CPOX: variants seen among roughly 807,000 people sequenced by gnomAD.
CPOX encodes the protein coproporphyrinogen oxidase, also known as oxygen-dependent coproporphyrinogen-III oxidase, mitochondrial.
In CPOX, 24 loss-of-function variants were observed where a neutral mutation model predicts 48.9. The ratio of observed to expected loss-of-function variants is 0.49; its 90% CI spans 0.36 to 0.69. The LOEUF (loss-of-function observed/expected upper bound fraction) is 0.69. CPOX is among the 30% of genes least tolerant of loss of function. The pLI is 0.00. For synonymous variants in CPOX, 249 were observed against 234.6 expected, an observed-to-expected ratio of 1.06 and a Z score of -0.56; for missense variants, 549 against 597.3, an observed-to-expected ratio of 0.92 and a Z score of 0.84.
rs1237444684 is a variant in CPOX at position 98,580,548 on chromosome 3, T to C, written c.*135A>G. On this transcript the variant is annotated 3_prime_UTR_variant, in exon 7 of 7. Transcript: ENST00000647941. ...ACAGCATCCAAAACATGTTATCATC[T>C]GCCCACGAGGTAGGGTGCAGAGTGG... 22 of 1,518,612 alleles carry C rather than the reference T, an allele frequency of 1.4e-5. No individual in the cohort carries two copies. The highest frequency in any genetic ancestry group is 1.8e-5 in the Non-Finnish European group (20 of 1,133,752). The allele number at this position is 1,518,612 out of a possible 1,614,324, so 94.1% of individuals were successfully genotyped here.
the CPOX span, among the ~76,000 whole-genome samples, chr3:98,573,803 G>C: frequency 6.6e-6 from 1 of 152,162 alleles, no homozygotes; most frequent in Non-Finnish European, 1.5e-5. Flanking sequence ...TTAACATAGA[G>C]TATAGATCAT....
intron 3 of CPOX, among the ~76,000 whole-genome samples, chr3:98,589,092 G>A (rs180750818): frequency 1.4e-3 from 208 of 152,322 alleles, no homozygotes; most frequent in Admixed American, 3.7e-3. Flanking sequence ...GGCCCAGGCA[G>A]GCAGATCGCC....
chr3:98,574,868 C>T (rs186611753), downstream of CPOX, among the ~76,000 whole-genome samples: 48 of 152,258 alleles, frequency 3.2e-4, no homozygotes, highest in East Asian at 8.1e-3. Context: ...CATGAACCAC[C>T]GTGCCCAGCC....
At chr3:98,590,476 T>C (rs1465968693) in intron 3 of CPOX, 156 bp downstream of exon 3, 2 of 693,476 alleles carry the variant, frequency 2.9e-6, no homozygotes, top group Middle Eastern at 3.6e-4. Context: ...GTCTCAGGCA[T>C]AATCCATTGC....
downstream of CPOX, among the ~76,000 whole-genome samples, chr3:98,574,906 G>C (rs1256091265): frequency 6.6e-6 from 1 of 152,116 alleles, no homozygotes; most frequent in Non-Finnish European, 1.5e-5. Context: ...AATTTAAATG[G>C]TCTTTGAGGA....
intron 4 of CPOX, among the ~76,000 whole-genome samples, chr3:98,587,514 T>C (rs551360187): frequency 6.7e-6 from 1 of 148,388 alleles, no homozygotes; most frequent in East Asian, 2.0e-4. Context: ...CTCTGCAGAG[T>C]CCTGAGGCAG....
chr3:98,581,735 A>C (rs1238696163), intron 5 of CPOX, among the ~76,000 whole-genome samples: 1 of 152,224 alleles, frequency 6.6e-6, no homozygotes, highest in Non-Finnish European at 1.5e-5. Flanking sequence ...TTCTGCCCCA[A>C]CATAGAGCAG....
chr3:98,590,142 T>C (rs1707449461), intron 3 of CPOX, among the ~76,000 whole-genome samples: 1 of 152,178 alleles, frequency 6.6e-6, no homozygotes, highest in Admixed American at 6.5e-5. Context: ...CCATTCTTTT[T>C]GTTTTGTTTT....
chr3:98,572,802 G>C, the CPOX span, among the ~76,000 whole-genome samples: 1 of 152,130 alleles, frequency 6.6e-6, no homozygotes, highest in Non-Finnish European at 1.5e-5. Context: ...GGTTTATCAA[G>C]ACATTCTGCT....
intron 5 of CPOX, among the ~76,000 whole-genome samples, chr3:98,581,881 A>T (rs1343377344): frequency 6.6e-6 from 1 of 152,148 alleles, no homozygotes; most frequent in Non-Finnish European, 1.5e-5. Context: ...CCTTCCTCAT[A>T]ATCTGGAATG....
downstream of CPOX, among the ~76,000 whole-genome samples, chr3:98,577,681 C>G (rs991375445): frequency 2.0e-5 from 3 of 152,052 alleles, no homozygotes; most frequent in African/African-American, 7.2e-5. Flanking sequence ...CACTACATAA[C>G]CTCAGTGGTT....
chr3:98,582,887 C>T (rs1446989201), intron 5 of CPOX, among the ~76,000 whole-genome samples: 2 of 152,204 alleles, frequency 1.3e-5, no homozygotes, highest in South Asian at 4.2e-4. Context: ...CCCTTTCTAA[C>T]TCTCACCATT....
downstream of CPOX, chr3:98,578,138 T>C (rs772545025): frequency 3.3e-4 from 155 of 475,596 alleles, no homozygotes; most frequent in East Asian, 6.1e-4. Flanking sequence ...TCAGGTAGAC[T>C]GAATTAACAC....
Position 98,585,675 on chromosome 3 carries a change from G to C in CPOX, c.954-16C>G. On this transcript the variant is annotated splice_polypyrimidine_tract_variant and intron_variant, in intron 4 of 6. Coordinates refer to ENST00000647941, the MANE Select transcript of CPOX (RefSeq NM_000097.7). ...ATCATCACACCTGGAAAACACAGCG[G>C]CGCCAAACCAGGGATCAAATGGAAA... 1 of 1,597,536 alleles carries C rather than the reference G, an allele frequency of 6.3e-7. No individual in the cohort carries two copies. The highest frequency in any genetic ancestry group is 8.6e-7 in the Non-Finnish European group (1 of 1,165,186).
chr3:98,575,360 G>A (rs1707146748), downstream of CPOX, among the ~76,000 whole-genome samples: 1 of 152,210 alleles, frequency 6.6e-6, no homozygotes, highest in Admixed American at 6.5e-5. Flanking sequence ...AATATGAAGG[G>A]ATTAACAGTA....
At chr3:98,587,078 T>C (rs1408970033) in intron 4 of CPOX, among the ~76,000 whole-genome samples, 1 of 152,174 alleles carries the variant, frequency 6.6e-6, no homozygotes, top group Non-Finnish European at 1.5e-5. Context: ...TAGAAAAACA[T>C]GCTCAAACAA....
chr3:98,584,903 T>C (rs1559675660), intron 5 of CPOX, among the ~76,000 whole-genome samples: 1 of 152,194 alleles, frequency 6.6e-6, no homozygotes, highest in Non-Finnish European at 1.5e-5. Flanking sequence ...GTTCCACATC[T>C]GAGATCTTAA....
intron 1 of CPOX, 83 bp downstream of exon 1, chr3:98,592,866 G>A: frequency 6.9e-7 from 1 of 1,441,688 alleles, no homozygotes; most frequent in Non-Finnish European, 9.6e-7. Flanking sequence ...CCCATATTGT[G>A]AACTATTATA....
chr3:98,582,744 G>A (rs1465744412), intron 5 of CPOX, among the ~76,000 whole-genome samples: 1 of 152,070 alleles, frequency 6.6e-6, no homozygotes, highest in Admixed American at 6.5e-5. Context: ...GCCCGCCTCG[G>A]CCTCCCAAAG....
Sources: allele counts gnomAD v4.1 joint callset (sites outside exome capture counted in the v4.1 genomes callset), GRCh38; gene constraint gnomAD v4.1.1; transcripts MANE v1.5; gene names NCBI Gene and HGNC (gene_info 2026-07-23, HGNC 2026-07-21).